Variants in RLIM observed in about 807,000 individuals in gnomAD.
The protein encoded by RLIM is ring finger protein, LIM domain interacting.
Under a neutral mutation model 34.0 loss-of-function variants are expected in RLIM, and 2 were observed. The observed-to-expected ratio is 0.06, with a 90% CI of 0.02 to 0.19. The LOEUF is 0.19. Ranked by LOEUF, RLIM falls within the 10% of genes least tolerant of loss-of-function variation. The pLI is 1.00. For missense variants in RLIM, 286 were observed against 479.7 expected (o/e 0.60, Z 3.77); for synonymous variants, 169 against 164.0 (o/e 1.03, Z -0.23).
chrX:74,606,061 A>C (rs1374989330), intron 1 of RLIM, among the ~76,000 whole-genome samples: 2 of 112,329 alleles, frequency 1.8e-5, no homozygotes, highest in African/African-American at 6.5e-5. Context: ...TAAACTATTC[A>C]ATCTATGAGC....
chrX:74,600,280 C>T (rs1326149037), intron 1 of RLIM, among the ~76,000 whole-genome samples: 1 of 109,529 alleles, frequency 9.1e-6, no homozygotes, highest in East Asian at 2.8e-4. Flanking sequence ...AAAAAACAGG[C>T]ACTAAAAAAA....
chrX:74,587,092 T>TA lies in RLIM; in HGVS notation c.*4347dup, dbSNP rs1217635123. 6.3e-5 allele frequency: 7 copies of TA among 111,382 alleles called. No individual in the cohort carries two copies. Among genetic ancestry groups the TA allele is most frequent in the African/African-American group, 9.8e-5 (3 of 30,647 alleles). 9.2% of individuals were successfully genotyped at this position (111,382 alleles called of 1,213,427 possible). A position where few individuals can be genotyped will look rare whatever the true frequency, so the allele number is the denominator to read the frequency against. On this transcript the variant is annotated 3_prime_UTR_variant, in exon 4 of 4. Transcript: ENST00000332687. Reference sequence around the variant, plus strand: ...CAGAGCAAGACCCTGTCTCAAAAAGTAAAAAATAAAATAAAATAAAAATAA... The same window carrying TA: ...CAGAGCAAGACCCTGTCTCAAAAAGTAAAAAAATAAAATAAAATAAAAATAA...
At chrX:74,596,124 C>T (rs184939812) in intron 1 of RLIM, 124 bp from the exon 2 acceptor site, 58 of 421,680 alleles carry the variant, frequency 1.4e-4, no homozygotes, top group Non-Finnish European at 2.0e-4. Flanking sequence ...AATGAAATTT[C>T]CTAACAAAAA....
At chrX:74,608,133 G>C (rs1304408153) in intron 1 of RLIM, among the ~76,000 whole-genome samples, 1 of 111,630 alleles carries the variant, frequency 9.0e-6, no homozygotes, top group Non-Finnish European at 1.9e-5. Context: ...GTTGTAACTT[G>C]GTTATGTGGA....
chrX:74,605,676 AGATTACCCGT>A (rs1193486124), intron 1 of RLIM, among the ~76,000 whole-genome samples: 3 of 112,131 alleles, frequency 2.7e-5, no homozygotes, highest in Non-Finnish European at 5.6e-5. Flanking sequence ...TTCTATGAAA[AGATTACCCGT>A]GAAACATACA....
rs1931336422 is a variant in RLIM at position 74,585,838 on chromosome X, C to T, written c.*5602G>A. On this transcript the variant is annotated 3_prime_UTR_variant, in exon 4 of 4. Coordinates refer to ENST00000332687, the MANE Select transcript of RLIM (RefSeq NM_016120.4). ...AATTAACTTCACTTTGTGCTCCTCT[C>T]TGCTTTTTTGAGTCTCTCCCGAAGG... The T allele has an allele frequency of 8.9e-6, 1 of 112,107 alleles. No individual in the cohort carries two copies. Among genetic ancestry groups the T allele is most frequent in the African/African-American group, 3.2e-5 (1 of 30,815 alleles). 9.2% of individuals were successfully genotyped at this position (112,107 alleles called of 1,213,427 possible). A position where few individuals can be genotyped will look rare whatever the true frequency, so the allele number is the denominator to read the frequency against.
At chrX:74,597,664 T>C (rs2079645219) in intron 1 of RLIM, among the ~76,000 whole-genome samples, 1 of 112,080 alleles carries the variant, frequency 8.9e-6, no homozygotes, top group Admixed American at 9.5e-5. Context: ...GTATTTAACG[T>C]TTATGGTTAT....
rs762535799 is a variant in RLIM at position 74,583,834 on chromosome X, T to C, written c.*7606A>G. On this transcript the variant is annotated 3_prime_UTR_variant, in exon 4 of 4. Transcript: ENST00000332687. ...AGGCCGAGACGGGCAGATCATGGGA[T>C]CAGGGGTTCAAGACCAGCCTGGCCA... Among the ~76,000 whole-genome samples the C allele has an allele frequency of 9.6e-4, 107 of 111,127 alleles. 1 individual carries two copies. The highest frequency in any genetic ancestry group is 1.6e-3 in the Non-Finnish European group (87 of 52,979).
At chrX:74,604,052 T>C (rs2079672403) in intron 1 of RLIM, among the ~76,000 whole-genome samples, 2 of 108,270 alleles carry the variant, frequency 1.8e-5, no homozygotes, top group South Asian at 8.3e-4. Flanking sequence ...GAGGCGGAGG[T>C]TGCAGTAAGC....
chrX:74,604,918 T>C (rs950381221), intron 1 of RLIM, among the ~76,000 whole-genome samples: 1 of 111,338 alleles, frequency 9.0e-6, no homozygotes, highest in Non-Finnish European at 1.9e-5. Flanking sequence ...CTTCCATATA[T>C]ATGCCAGAGA....
intron 3 of RLIM, among the ~76,000 whole-genome samples, 175 bp downstream of exon 3, chrX:74,594,130 GA>G (rs2079628819): frequency 9.0e-6 from 1 of 111,560 alleles, no homozygotes; most frequent in Non-Finnish European, 1.9e-5. Context: ...AGGTGAGGTA[GA>G]AAAAAAATGC....
intron 1 of RLIM, among the ~76,000 whole-genome samples, chrX:74,597,643 G>T (rs2079645029): frequency 8.9e-6 from 1 of 112,022 alleles, no homozygotes; most frequent in African/African-American, 3.2e-5. Flanking sequence ...CAAAGTTTAT[G>T]AAAATGTAAG....
chrX:74,602,218 G>A (rs1454559239), intron 1 of RLIM, among the ~76,000 whole-genome samples: 1 of 110,992 alleles, frequency 9.0e-6, no homozygotes, highest in African/African-American at 3.3e-5. Context: ...CTTTATGAAG[G>A]GCTATCAAGC....
intron 1 of RLIM, among the ~76,000 whole-genome samples, chrX:74,612,124 T>C (rs903583911): frequency 3.6e-5 from 4 of 112,112 alleles, no homozygotes; most frequent in African/African-American, 1.3e-4. Context: ...AAAAGTATCA[T>C]GTATCAATTA....
At chrX:74,604,243 G>A (rs2079673563) in intron 1 of RLIM, among the ~76,000 whole-genome samples, 1 of 111,397 alleles carries the variant, frequency 9.0e-6, no homozygotes, top group Non-Finnish European at 1.9e-5. Flanking sequence ...ATTTTCGACA[G>A]ATAAAATGGA....
Position 74,588,110 on chromosome X carries a change from G to T in RLIM, c.*3330C>A. 8.9e-6 allele frequency: 1 copy of T among 112,468 alleles called. No homozygotes were observed. The highest frequency in any genetic ancestry group is 1.9e-5 in the Non-Finnish European group (1 of 53,343). The allele number at this position is 112,468 out of a possible 1,213,427, so 9.3% of individuals were successfully genotyped here. On this transcript the variant is annotated 3_prime_UTR_variant, in exon 4 of 4. Coordinates refer to ENST00000332687, the MANE Select transcript of RLIM (RefSeq NM_016120.4). ...TTAACAAGGTGGCTCATCTTCTATA[G>T]TGTTGATACAAAGTCAGCAAACTTT...
In RLIM at chrX:74,583,593, C is replaced by A. The variant is rs1443293703; in HGVS notation, c.*7847G>T. On this transcript the variant is annotated 3_prime_UTR_variant, in exon 4 of 4. Transcript: ENST00000332687. The stretch of plus-strand genomic sequence containing the variant: ...TATTTTGAGACTTCTGGAAATAAAA[C>A]ACCTTGATACCGTTTGCCCTAGGGC... The A allele has an allele frequency of 2.1e-6, 1 of 468,279 alleles. No homozygotes were observed. Among genetic ancestry groups the A allele is most frequent in the African/African-American group, 2.4e-5 (1 of 41,894 alleles). The allele number at this position is 468,279 out of a possible 1,213,427, so 38.6% of individuals were successfully genotyped here.
rs1300555704 is a variant in RLIM at position 74,585,347 on chromosome X, G to C, written c.*6093C>G. 4.5e-5 allele frequency: 5 copies of C among 111,958 alleles called. No homozygotes were observed. Among genetic ancestry groups the C allele is most frequent in the African/African-American group, 1.6e-4 (5 of 30,752 alleles). The allele number at this position is 111,958 out of a possible 1,213,427, so 9.2% of individuals were successfully genotyped here. On this transcript the variant is annotated 3_prime_UTR_variant, in exon 4 of 4. Coordinates refer to ENST00000332687, the MANE Select transcript of RLIM (RefSeq NM_016120.4). ...AGTACCTGCCCACACTCATAGCAGTGAGGGGAATAAAAATCAAGGTTGCAC... is the reference window on the plus strand; with the variant it reads ...AGTACCTGCCCACACTCATAGCAGTCAGGGGAATAAAAATCAAGGTTGCAC...
In RLIM at chrX:74,590,058, T is replaced by C. The variant is rs1389861401; in HGVS notation, c.*1382A>G. ...TGAGATGTTAGGACTGTGTTAGAGATAGTAATGAAATATGATCAAGTGTGC... is the reference window on the plus strand; with the variant it reads ...TGAGATGTTAGGACTGTGTTAGAGACAGTAATGAAATATGATCAAGTGTGC... On this transcript the variant is annotated 3_prime_UTR_variant, in exon 4 of 4. Transcript: ENST00000332687. The C allele has an allele frequency of 8.9e-6, 1 of 112,171 alleles. No homozygotes were observed. Among genetic ancestry groups the C allele is most frequent in the African/African-American group, 3.2e-5 (1 of 30,881 alleles). 9.2% of individuals were successfully genotyped at this position (112,171 alleles called of 1,213,427 possible).
Sources: allele counts gnomAD v4.1 joint callset (sites outside exome capture counted in the v4.1 genomes callset), GRCh38; gene constraint gnomAD v4.1.1; transcripts MANE v1.5; gene names NCBI Gene and HGNC (gene_info 2026-07-23, HGNC 2026-07-21).